GRIA3: variants seen among roughly 807,000 people sequenced by gnomAD.
GRIA3 encodes glutamate receptor 3.
In GRIA3, 3 loss-of-function variants were observed where a neutral mutation model predicts 63.0. The observed-to-expected ratio is 0.05, with a 90% CI of 0.02 to 0.12. GRIA3 has a LOEUF of 0.12. GRIA3 is among the 10% of genes least tolerant of loss of function. GRIA3 has a pLI of 1.00. For missense variants in GRIA3, 347 were observed against 700.9 expected (o/e 0.50, Z 5.70); for synonymous variants, 274 against 257.9 (o/e 1.06, Z -0.60).
chrX:123,344,824 G>A (rs1351743886), intron 4 of GRIA3, among the ~76,000 whole-genome samples: 4 of 111,607 alleles, frequency 3.6e-5, no homozygotes, highest in Non-Finnish European at 7.5e-5. Flanking sequence ...CCACTTTGAT[G>A]AGGATCCCAT....
intron 3 of GRIA3, among the ~76,000 whole-genome samples, chrX:123,267,596 A>G (rs2044495914): frequency 1.8e-5 from 2 of 112,454 alleles, no homozygotes; most frequent in Non-Finnish European, 3.8e-5. Context: ...ATGAAAAACT[A>G]AAGAAGGAAA....
chrX:123,244,847 C>T (rs1202240092), intron 2 of GRIA3, among the ~76,000 whole-genome samples: 1 of 112,643 alleles, frequency 8.9e-6, no homozygotes, highest in East Asian at 2.8e-4. Flanking sequence ...AACTGACCCA[C>T]TTACAAAGAT....
chrX:123,185,876 C>T lies in GRIA3; in HGVS notation c.154C>T (p.Arg52Cys). Residue 52 changes from arginine (R) to cysteine (C), a missense_variant, in exon 2 of 16, where the codon CGC becomes TGC. Around this residue, in one of 8 missense-constraint regions of GRIA3, gnomAD observed 29 missense variants for 69.4 expected, o/e 0.42. Transcript: ENST00000620443. ...CACAGTGCAGGAGCACAGCGCTTTC[C>T]GCTTTGCCGTGCAGTTATACAACAC... ...RNTVQEHSAF[R>C]FAVQLYNTNQ... is the part of the protein sequence containing the mutation. 1 of 1,208,131 alleles carries T rather than the reference C, an allele frequency of 8.3e-7. No individual in the cohort carries two copies. The highest frequency in any genetic ancestry group is 3.0e-5 in the East Asian group (1 of 33,824).
intron 5 of GRIA3, among the ~76,000 whole-genome samples, chrX:123,385,115 G>A (rs1306572462): frequency 9.0e-6 from 1 of 111,433 alleles, no homozygotes; most frequent in Non-Finnish European, 1.9e-5. Flanking sequence ...TGTCTTCCAG[G>A]GTTTTTATAG....
At chrX:123,314,306 T>C (rs2044817678) in intron 3 of GRIA3, among the ~76,000 whole-genome samples, 1 of 111,953 alleles carries the variant, frequency 8.9e-6, no homozygotes, top group African/African-American at 3.2e-5. Flanking sequence ...CAACAGTCCA[T>C]GGAGAAACTT....
intron 11 of GRIA3, among the ~76,000 whole-genome samples, chrX:123,422,385 G>T (rs1032092933): frequency 8.9e-6 from 1 of 112,414 alleles, no homozygotes; most frequent in African/African-American, 3.2e-5. Flanking sequence ...GAAGCTGGAG[G>T]CTGAGCTAAC....
chrX:123,460,736 C>G (rs142572986), intron 12 of GRIA3, among the ~76,000 whole-genome samples: 1,217 of 111,521 alleles, frequency 0.011, 17 homozygotes, highest in African/African-American at 0.037. Flanking sequence ...ATTTTTATAT[C>G]TTTCTGTGTA....
intron 5 of GRIA3, among the ~76,000 whole-genome samples, chrX:123,360,968 C>T (rs1427515809): frequency 9.4e-6 from 1 of 105,986 alleles, no homozygotes; most frequent in Non-Finnish European, 1.9e-5. Flanking sequence ...CTCACTTATG[C>T]CAGAAAATAA....
At chrX:123,296,831 C>G (rs1426460289) in intron 3 of GRIA3, among the ~76,000 whole-genome samples, 1 of 111,193 alleles carries the variant, frequency 9.0e-6, no homozygotes, top group African/African-American at 3.3e-5. Flanking sequence ...TAACTGTTAG[C>G]ATGAGGCTTT....
chrX:123,449,362 T>G (rs962154705), intron 12 of GRIA3, among the ~76,000 whole-genome samples: 39 of 112,617 alleles, frequency 3.5e-4, no homozygotes, highest in African/African-American at 8.7e-4. Context: ...ATCTGCCATT[T>G]TGCATATGGA....
At chrX:123,251,142 C>A (rs1396705651) in intron 2 of GRIA3, among the ~76,000 whole-genome samples, 2 of 112,000 alleles carry the variant, frequency 1.8e-5, no homozygotes. Flanking sequence ...TAGTGCCTGG[C>A]TAAATACTAT....
At chrX:123,185,792 G>T (rs764112936) in intron 1 of GRIA3, 40 bp from the exon 2 acceptor site, 1 of 1,171,887 alleles carries the variant, frequency 8.5e-7, no homozygotes, top group Non-Finnish European at 1.2e-6. Flanking sequence ...GCCCTAGTGT[G>T]GGGGAACACA....
intron 3 of GRIA3, among the ~76,000 whole-genome samples, chrX:123,257,252 C>T (rs1486843620): frequency 8.9e-6 from 1 of 111,904 alleles, no homozygotes; most frequent in Non-Finnish European, 1.9e-5. Flanking sequence ...TACTTTGTGC[C>T]TCCCCTAGTA....
intron 3 of GRIA3, among the ~76,000 whole-genome samples, chrX:123,324,801 G>A (rs186750441): frequency 1.2e-3 from 129 of 111,348 alleles, no homozygotes; most frequent in Non-Finnish European, 1.7e-4. Flanking sequence ...TCCCTGAAGC[G>A]TGCTCTTCAA....
chrX:123,270,312 A>C lies in GRIA3; in HGVS notation c.508+16770A>C, dbSNP rs2044513193. Among the ~76,000 whole-genome samples the C allele has an allele frequency of 2.7e-5, 3 of 112,609 alleles. No individual in the cohort carries two copies. In the South Asian group the frequency reaches 1.1e-3, roughly 42 times the overall value. On this transcript the variant is annotated intron_variant, in intron 3 of 15. Transcript: ENST00000620443. ...TAGGAGGGCTATGAAGAGAAAGCAA[A>C]GGACAGCCATTGGAGAGCATGCAGA... is the stretch of plus-strand genomic sequence containing the variant.
At chrX:123,459,662 T>C (rs1459594684) in intron 12 of GRIA3, among the ~76,000 whole-genome samples, 1 of 111,167 alleles carries the variant, frequency 9.0e-6, no homozygotes, top group East Asian at 2.8e-4. Flanking sequence ...AAAATGGTGC[T>C]CTGTGGGATG....
At chrX:123,420,576 A>G (rs764100632) in intron 11 of GRIA3, among the ~76,000 whole-genome samples, 6 of 111,266 alleles carry the variant, frequency 5.4e-5, no homozygotes, top group Non-Finnish European at 7.5e-5. Flanking sequence ...TGTTGAGACA[A>G]TACTAAAGAG....
At chrX:123,250,738 A>G (rs1448649779) in intron 2 of GRIA3, among the ~76,000 whole-genome samples, 5 of 111,953 alleles carry the variant, frequency 4.5e-5, no homozygotes, top group African/African-American at 1.6e-4. Flanking sequence ...TCTAGGGTTG[A>G]CAGATAAAAT....
chrX:123,415,332 C>T (rs923968234), intron 10 of GRIA3, among the ~76,000 whole-genome samples: 1 of 111,848 alleles, frequency 8.9e-6, no homozygotes, highest in African/African-American at 3.3e-5. Context: ...GTAGATAGAG[C>T]TGGGTTTTAA....
Sources: allele counts gnomAD v4.1 joint callset (sites outside exome capture counted in the v4.1 genomes callset), GRCh38; gene constraint gnomAD v4.1.1; regional missense constraint gnomAD v4.1.1; transcripts MANE v1.5; gene names NCBI Gene and HGNC (gene_info 2026-07-23, HGNC 2026-07-21).